AGBL1: variants seen among roughly 807,000 people sequenced by gnomAD.
AGBL1 encodes AGBL carboxypeptidase 1, also known as cytosolic carboxypeptidase 4.
Under a neutral mutation model 118.9 loss-of-function variants are expected in AGBL1, and 130 were observed. The ratio of observed to expected loss-of-function variants is 1.09; its 90% CI spans 0.95 to 1.26. AGBL1 has a LOEUF of 1.26. Ranked by LOEUF, AGBL1 falls within the 50% of genes most tolerant of loss-of-function variation. AGBL1 has a pLI of 0.00. For synonymous variants in AGBL1, 555 were observed against 478.9 expected (o/e 1.16, Z -2.08); for missense variants, 1,584 against 1,298.1 (o/e 1.22, Z -3.38).
At chr15:86,685,202 T>C (rs1036593760) in intron 22 of AGBL1, among the ~76,000 whole-genome samples, 3 of 152,296 alleles carry the variant, frequency 2.0e-5, no homozygotes, top group African/African-American at 7.2e-5. Context: ...TTTCTGGACA[T>C]GGACACCTCA....
At chr15:86,276,848 T>C (rs1201001941) in intron 15 of AGBL1, among the ~76,000 whole-genome samples, 1 of 152,230 alleles carries the variant, frequency 6.6e-6, no homozygotes, top group African/African-American at 2.4e-5. Context: ...AACTTGTTGA[T>C]GGGATCTCAG....
intron 18 of AGBL1, among the ~76,000 whole-genome samples, chr15:86,408,607 T>C (rs759062018): frequency 6.6e-6 from 1 of 152,210 alleles, no homozygotes; most frequent in African/African-American, 2.4e-5. Flanking sequence ...AGCAGAATTA[T>C]TGGTGGATGG....
intron 18 of AGBL1, among the ~76,000 whole-genome samples, chr15:86,479,888 T>C (rs1172595443): frequency 6.6e-6 from 1 of 152,182 alleles, no homozygotes; most frequent in Admixed American, 6.5e-5. Flanking sequence ...ATATACACCA[T>C]GGAATACTAT....
intron 18 of AGBL1, among the ~76,000 whole-genome samples, chr15:86,467,172 C>T (rs547375635): frequency 7.9e-4 from 121 of 152,280 alleles, no homozygotes; most frequent in African/African-American, 2.5e-3. Context: ...GGCCCTGCCC[C>T]GAGAGGAGGA....
At chr15:86,495,330 G>A (rs909304327) in intron 18 of AGBL1, among the ~76,000 whole-genome samples, 6 of 147,432 alleles carry the variant, frequency 4.1e-5, no homozygotes, top group South Asian at 2.1e-4. Flanking sequence ...CTCTAATGTC[G>A]TTTTTTTCCA....
chr15:86,219,837 A>G (rs1271159388), intron 5 of AGBL1, among the ~76,000 whole-genome samples: 1 of 152,106 alleles, frequency 6.6e-6, no homozygotes, highest in East Asian at 1.9e-4. Context: ...AATATTGCAC[A>G]GAGAGATATT....
intron 23 of AGBL1, among the ~76,000 whole-genome samples, chr15:86,953,448 T>C (rs1253747495): frequency 6.6e-6 from 1 of 150,466 alleles, no homozygotes; most frequent in Non-Finnish European, 1.5e-5. Flanking sequence ...TGGAGTGCAG[T>C]GGTGTGATAT....
At chr15:86,441,130 G>T (rs1035539184) in intron 18 of AGBL1, among the ~76,000 whole-genome samples, 2 of 152,190 alleles carry the variant, frequency 1.3e-5, no homozygotes, top group Non-Finnish European at 2.9e-5. Flanking sequence ...AGGCTTGCTG[G>T]CAAGAGCTGT....
intron 17 of AGBL1, among the ~76,000 whole-genome samples, chr15:86,349,672 C>T (rs1347576186): frequency 1.3e-5 from 2 of 152,172 alleles, no homozygotes; most frequent in Non-Finnish European, 2.9e-5. Context: ...CCTGTCTTTA[C>T]TTCTGTCAGT....
intron 5 of AGBL1, among the ~76,000 whole-genome samples, chr15:86,200,340 A>T (rs980245821): frequency 1.3e-5 from 2 of 152,218 alleles, no homozygotes; most frequent in African/African-American, 2.4e-5. Context: ...TCAACAAATT[A>T]TAAGAAAGAA....
rs1234166993 is a variant in AGBL1 at position 86,276,835 on chromosome 15, AAG to A, written c.2076-2802_2076-2801del. Among the ~76,000 whole-genome samples, 3 of 152,238 alleles carry A rather than the reference AAG, an allele frequency of 2.0e-5. No individual in the cohort carries two copies. In the East Asian group the frequency reaches 5.8e-4, roughly 29 times the overall value. Reference sequence around the variant, plus strand: ...GTCCACATCATAACTGGGAAACGAAAAGAACTTGTTGATGGGATCTCAGTTTA... The same window carrying A: ...GTCCACATCATAACTGGGAAACGAAAAACTTGTTGATGGGATCTCAGTTTA... On this transcript the variant is annotated intron_variant, in intron 15 of 22. Transcript: ENST00000614907.
chr15:86,695,419 T>G (rs575275966), intron 22 of AGBL1, among the ~76,000 whole-genome samples: 1 of 152,228 alleles, frequency 6.6e-6, no homozygotes, highest in East Asian at 1.9e-4. Context: ...CTTTTGTATT[T>G]CTGTGGTGTC....
At chr15:86,184,008 C>T (rs16949148) in intron 5 of AGBL1, among the ~76,000 whole-genome samples, 2,901 of 152,276 alleles carry the variant, frequency 0.019, 84 homozygotes, top group African/African-American at 0.059. Flanking sequence ...GTGGGTGTTA[C>T]AGCTCCAGTT....
At chr15:86,095,169 G>T in intron 1 of AGBL1, among the ~76,000 whole-genome samples, 1 of 152,170 alleles carries the variant, frequency 6.6e-6, no homozygotes, top group East Asian at 1.9e-4. Context: ...AAGTTAGGGT[G>T]CACCACCCTA....
At chr15:86,683,097 C>T (rs2085990236) in intron 22 of AGBL1, among the ~76,000 whole-genome samples, 1 of 152,074 alleles carries the variant, frequency 6.6e-6, no homozygotes, top group African/African-American at 2.4e-5. Context: ...TAATGGTGTA[C>T]ACATGCTGAT....
At chr15:86,972,921 G>T (rs1048798216) in intron 23 of AGBL1, among the ~76,000 whole-genome samples, 2 of 151,910 alleles carry the variant, frequency 1.3e-5, no homozygotes, top group East Asian at 1.9e-4. Flanking sequence ...TCAAATTTCT[G>T]GAGTAGCCAT....
chr15:86,310,856 G>A (rs968543585), intron 17 of AGBL1, among the ~76,000 whole-genome samples: 3 of 152,102 alleles, frequency 2.0e-5, no homozygotes, highest in African/African-American at 4.8e-5. Flanking sequence ...AAATTCAAAC[G>A]TATGTGAGGA....
At chr15:86,553,165 A>G (rs79474537) in intron 20 of AGBL1, among the ~76,000 whole-genome samples, 4,285 of 152,238 alleles carry the variant, frequency 0.028, 123 homozygotes, top group African/African-American at 0.077. Context: ...AATGTATGTA[A>G]TTTTATACTA....
chr15:86,203,746 A>G (rs1289147420), intron 5 of AGBL1, among the ~76,000 whole-genome samples: 1 of 152,128 alleles, frequency 6.6e-6, no homozygotes, highest in East Asian at 1.9e-4. Flanking sequence ...CTCCATTGTT[A>G]CGGAGTTACT....
Sources: gnomAD v4.1 joint callset for allele counts (sites outside exome capture counted in the v4.1 genomes callset) on GRCh38, gnomAD v4.1.1 for gene constraint, MANE v1.5 for transcripts, NCBI Gene and HGNC (gene_info 2026-07-23, HGNC 2026-07-21) for gene names.